The following TANGO6 variants were observed in gnomAD, a reference collection of about 807,000 sequenced individuals.
TANGO6 encodes the protein transport and Golgi organization protein 6 homolog.
A neutral mutation model predicts 114.2 loss-of-function variants in TANGO6; 90 were observed. The observed-to-expected ratio is 0.79, with a 90% CI of 0.66 to 0.94. TANGO6 has a LOEUF of 0.94. TANGO6 is among the 40% of genes least tolerant of loss of function. TANGO6 has a pLI of 0.00. For synonymous variants in TANGO6, 477 were observed against 509.8 expected, an observed-to-expected ratio of 0.94 and a Z score of 0.87; for missense variants, 1,274 against 1,315.3, an observed-to-expected ratio of 0.97 and a Z score of 0.49.
At position 68,902,325 on chromosome 16, in the gene TANGO6, C is replaced by G; in HGVS notation, c.1491-3C>G. The G allele has an allele frequency of 6.2e-7, 1 of 1,604,790 alleles. No homozygotes were observed. The highest frequency in any genetic ancestry group is 8.5e-7 in the Non-Finnish European group (1 of 1,176,298). On this transcript the variant is annotated splice_polypyrimidine_tract_variant and splice_region_variant and intron_variant, in intron 8 of 17. Coordinates refer to ENST00000261778, the MANE Select transcript of TANGO6 (RefSeq NM_024562.2). ...GCTCATTCATAACTGCTTTTTCTGC[C>G]AGGTCACTTTGCCAAGAAATCTTAT... is the stretch of plus-strand genomic sequence containing the variant.
At chr16:68,937,716 C>T (rs1357742363) in intron 14 of TANGO6, 1 of 152,132 alleles carries the variant, frequency 6.6e-6, no homozygotes, top group African/African-American at 2.4e-5. Context: ...TTTATGACTT[C>T]ATTCCTTTTT....
At chr16:69,004,543 ATG>A (rs564914782) in intron 15 of TANGO6, among the ~76,000 whole-genome samples, 221 of 152,094 alleles carry the variant, frequency 1.5e-3, no homozygotes, top group African/African-American at 4.7e-3. Flanking sequence ...TTTAGTAGAG[ATG>A]AGGTTTCAGC....
chr16:68,976,081 C>T (rs1963763233), intron 15 of TANGO6, among the ~76,000 whole-genome samples: 1 of 151,934 alleles, frequency 6.6e-6, no homozygotes, highest in African/African-American at 2.4e-5. Flanking sequence ...ACTAGAGGTA[C>T]ATGCCACCAC....
Position 68,968,363 on chromosome 16 carries a change from C to CT in TANGO6, c.2702-5651dup, listed in dbSNP as rs778462725. Among the ~76,000 whole-genome samples the CT allele has an allele frequency of 6.1e-3, 853 of 139,356 alleles. 5 individuals are homozygous for CT. Among genetic ancestry groups the CT allele is most frequent in the African/African-American group, 0.016 (618 of 38,206 alleles). 91.4% of individuals were successfully genotyped at this position (139,356 alleles called of 152,430 possible). A position where few individuals can be genotyped will look rare whatever the true frequency, so the allele number is the denominator to read the frequency against. ...ACAGATGTCAGCTACCGCACCTGGC[C>CT]TTTTTTTTTTTTTTGGTGAGATGGA... On this transcript the variant is annotated intron_variant, in intron 14 of 17. Coordinates refer to ENST00000261778, the MANE Select transcript of TANGO6 (RefSeq NM_024562.2).
intron 14 of TANGO6, among the ~76,000 whole-genome samples, chr16:68,966,513 T>A (rs56083051): frequency 0.12 from 17,538 of 146,860 alleles, 1,130 homozygotes; most frequent in African/African-American, 0.18. Flanking sequence ...CAAAAAAAAA[T>A]AAAATAAAAT....
At chr16:69,006,777 C>T (rs1964095394) in intron 15 of TANGO6, among the ~76,000 whole-genome samples, 1 of 151,962 alleles carries the variant, frequency 6.6e-6, no homozygotes, top group South Asian at 2.1e-4. Flanking sequence ...CAAAAACAAA[C>T]TTATTGAAAT....
At chr16:68,926,451 G>A (rs907706376) in intron 12 of TANGO6, among the ~76,000 whole-genome samples, 3 of 151,408 alleles carry the variant, frequency 2.0e-5, no homozygotes, top group Non-Finnish European at 2.9e-5. Flanking sequence ...CCGAGATTAC[G>A]CCATTGCACT....
At chr16:68,857,672 T>C (rs567406722) in intron 1 of TANGO6, among the ~76,000 whole-genome samples, 15 of 152,316 alleles carry the variant, frequency 9.8e-5, no homozygotes, top group African/African-American at 3.6e-4. Context: ...CACATCCTTG[T>C]CAGCATTTAA....
chr16:68,980,409 C>CTCTCTCTCTCTCTCTCTATATA (rs1408626276), intron 15 of TANGO6, among the ~76,000 whole-genome samples: 2 of 67,990 alleles, frequency 2.9e-5, no homozygotes, highest in African/African-American at 6.6e-5. Context: ...CTCTCTCTCT[C>CTCTCTCTCTCTCTCTCTATATA]TATATATATA....
intron 3 of TANGO6, among the ~76,000 whole-genome samples, chr16:68,864,155 C>G (rs1253571500): frequency 6.7e-6 from 1 of 148,238 alleles, no homozygotes; most frequent in African/African-American, 2.5e-5. Flanking sequence ...GCCTGGGCAA[C>G]AAGAGCAAAA....
At chr16:68,939,561 A>G (rs543991622) in intron 14 of TANGO6, among the ~76,000 whole-genome samples, 6 of 150,916 alleles carry the variant, frequency 4.0e-5, no homozygotes, top group Middle Eastern at 3.4e-3. Context: ...GCTGTCCACT[A>G]GGTGTACTAA....
chr16:68,927,989 A>G lies in TANGO6; in HGVS notation c.2549A>G (p.Gln850Arg). Residue 850 changes from glutamine to arginine, a missense_variant, in exon 13 of 18, where the codon CAA becomes CGA. Physicochemically the swap from Gln to Arg is conservative, Grantham distance 43. Around this residue, in one of 5 missense-constraint regions of TANGO6, gnomAD observed 908 missense variants for 910.2 expected, o/e 1.00. Transcript: ENST00000261778. ...QEVLLSAYDPQIPTRAAALRT... is the reference protein window; with the variant it reads ...QEVLLSAYDPRIPTRAAALRT... ...GTTCTTTTGTCAGCTTATGACCCTC[A>G]AATTCCAACACGGGCTGCTGCCCTG... 1 of 1,613,100 alleles carries G rather than the reference A, an allele frequency of 6.2e-7. No homozygotes were observed. The highest frequency in any genetic ancestry group is 8.5e-7 in the Non-Finnish European group (1 of 1,179,548).
intron 3 of TANGO6, among the ~76,000 whole-genome samples, chr16:68,864,134 A>G (rs1962142028): frequency 6.6e-6 from 1 of 151,878 alleles, no homozygotes; most frequent in Non-Finnish European, 1.5e-5. Context: ...AGATCACGCC[A>G]TTGCACTCCA....
At chr16:68,971,573 C>A (rs971604462) in intron 14 of TANGO6, among the ~76,000 whole-genome samples, 3 of 152,020 alleles carry the variant, frequency 2.0e-5, no homozygotes, top group Admixed American at 6.6e-5. Context: ...CTGCACCTAG[C>A]CCCCTCTTCT....
intron 14 of TANGO6, among the ~76,000 whole-genome samples, chr16:68,953,050 T>TTTTTTATTA (rs1555525236): frequency 0.015 from 2,064 of 139,164 alleles, 17 homozygotes; most frequent in Middle Eastern, 0.029. Flanking sequence ...ACAGGTATTT[T>TTTTTTATTA]TTATTATTAT....
At chr16:68,872,729 T>A (rs1352747958) in intron 4 of TANGO6, among the ~76,000 whole-genome samples, 2 of 150,864 alleles carry the variant, frequency 1.3e-5, no homozygotes, top group African/African-American at 4.9e-5. Context: ...CTCAGCTCAC[T>A]GCAACTTCCC....
chr16:69,076,850 C>T (rs1035810338), intron 17 of TANGO6, among the ~76,000 whole-genome samples: 2 of 152,102 alleles, frequency 1.3e-5, no homozygotes, highest in African/African-American at 4.8e-5. Flanking sequence ...CATTCACGCT[C>T]CCTGTCCCAT....
chr16:68,953,770 A>C (rs1597034810), intron 14 of TANGO6, among the ~76,000 whole-genome samples: 1 of 152,334 alleles, frequency 6.6e-6, no homozygotes, highest in Admixed American at 6.5e-5. Flanking sequence ...CCTTTGTGAC[A>C]GCTAGTCTAT....
chr16:68,880,953 G>T (rs879798191), intron 7 of TANGO6, among the ~76,000 whole-genome samples: 6 of 151,946 alleles, frequency 3.9e-5, no homozygotes, highest in Non-Finnish European at 8.8e-5. Flanking sequence ...TTTTGTTGTT[G>T]TTGCTTTTCC....
Sources: gnomAD v4.1 joint callset for allele counts (sites outside exome capture counted in the v4.1 genomes callset) on GRCh38, gnomAD v4.1.1 for gene constraint, gnomAD v4.1.1 regional missense constraint, MANE v1.5 for transcripts, NCBI Gene and HGNC (gene_info 2026-07-23, HGNC 2026-07-21) for gene names.